NFIA: variants seen among roughly 807,000 people sequenced by gnomAD.
NFIA encodes the protein nuclear factor 1 A-type.
Under a neutral mutation model 62.8 loss-of-function variants are expected in NFIA, and 8 were observed. The observed-to-expected ratio is 0.13, with a 90% confidence interval of 0.07 to 0.23. The LOEUF is 0.23. NFIA is among the 10% of genes least tolerant of loss of function. The probability of loss-of-function intolerance (pLI) is 1.00; values close to 1 mark genes in which losing one functional copy is unlikely to be tolerated. For synonymous variants in NFIA, 235 were observed against 238.1 expected (o/e 0.99, Z 0.12); for missense variants, 410 against 642.1 (o/e 0.64, Z 3.91).
At chr1:61,444,580 A>G (rs1175118990) in intron 10 of NFIA, among the ~76,000 whole-genome samples, 1 of 152,238 alleles carries the variant, frequency 6.6e-6, no homozygotes, top group Non-Finnish European at 1.5e-5. Context: ...CTTGAGAACA[A>G]TACAGAAAGG....
chr1:61,169,932 TA>T (rs546665279), intron 2 of NFIA, among the ~76,000 whole-genome samples: 115 of 152,356 alleles, frequency 7.5e-4, no homozygotes, highest in Admixed American at 3.0e-3. Flanking sequence ...GGTATTTAAA[TA>T]AAAGTAATGT....
intron 2 of NFIA, among the ~76,000 whole-genome samples, chr1:61,267,129 G>A (rs1657222050): frequency 2.0e-5 from 3 of 152,156 alleles, no homozygotes; most frequent in Admixed American, 2.0e-4. Context: ...ATTAAAGGGA[G>A]GATACCAGGC....
chr1:61,109,600 CA>C (rs1398239313), intron 2 of NFIA, among the ~76,000 whole-genome samples: 3 of 151,424 alleles, frequency 2.0e-5, no homozygotes, highest in Non-Finnish European at 4.4e-5. Context: ...AAATAATGGT[CA>C]AAAAGTTTTC....
rs145771606 is a variant in NFIA at position 61,439,751 on chromosome 1, G to A, written c.1512+13195G>A. Reference sequence around the variant, plus strand: ...GGTATTCTTGTCATCCCAAACACAAGCATAATTTGTACCCCCTGAAAAATG... The same window carrying A: ...GGTATTCTTGTCATCCCAAACACAAACATAATTTGTACCCCCTGAAAAATG... On this transcript the variant is annotated intron_variant, in intron 10 of 10. Transcript: ENST00000403491. 4.6e-3 allele frequency among the ~76,000 whole-genome samples: 698 copies of A among 152,254 alleles called. 16 individuals are homozygous for A. In the East Asian group the frequency reaches 0.049, roughly 11 times the overall value.
At chr1:61,238,723 C>G (rs1655150561) in intron 2 of NFIA, among the ~76,000 whole-genome samples, 1 of 152,170 alleles carries the variant, frequency 6.6e-6, no homozygotes, top group Admixed American at 6.5e-5. Flanking sequence ...CTTGGTTTCT[C>G]CACTAAAAAT....
intron 6 of NFIA, among the ~76,000 whole-genome samples, chr1:61,374,408 A>AT (rs938763995): frequency 5.9e-5 from 9 of 151,878 alleles, no homozygotes; most frequent in Non-Finnish European, 1.2e-4. Context: ...ATGTAACACA[A>AT]TTTTTTTTAT....
chr1:61,123,214 AC>A (rs1646916158), intron 2 of NFIA, among the ~76,000 whole-genome samples: 1 of 152,218 alleles, frequency 6.6e-6, no homozygotes, highest in South Asian at 2.1e-4. Context: ...GACAGAGCCC[AC>A]AGCCAGGGCG....
chr1:61,232,098 G>A (rs1241763936), intron 2 of NFIA, among the ~76,000 whole-genome samples: 2 of 152,128 alleles, frequency 1.3e-5, no homozygotes, highest in East Asian at 1.9e-4. Context: ...CATTGGGAAA[G>A]TATAAAGCAA....
chr1:61,388,579 T>G (rs775219724), intron 7 of NFIA, among the ~76,000 whole-genome samples: 2 of 152,232 alleles, frequency 1.3e-5, no homozygotes, highest in African/African-American at 2.4e-5. Context: ...TGAATGATAC[T>G]TTATTTAAAT....
At chr1:61,261,240 A>G (rs1166994325) in intron 2 of NFIA, among the ~76,000 whole-genome samples, 1 of 152,162 alleles carries the variant, frequency 6.6e-6, no homozygotes, top group East Asian at 1.9e-4. Flanking sequence ...AATACCTTCA[A>G]GCTTTTCCCC....
At chr1:61,237,448 A>G (rs1181484273) in intron 2 of NFIA, among the ~76,000 whole-genome samples, 1 of 152,188 alleles carries the variant, frequency 6.6e-6, no homozygotes, top group East Asian at 1.9e-4. Context: ...TGACTGATAA[A>G]TCTCTGGCAG....
chr1:61,123,227 G>A (rs532570991), intron 2 of NFIA, among the ~76,000 whole-genome samples: 95 of 152,290 alleles, frequency 6.2e-4, no homozygotes, highest in Non-Finnish European at 1.0e-3. Context: ...GCCAGGGCGG[G>A]AAACCTGCAT....
At chr1:61,084,235 G>A (rs1416431168) in intron 1 of NFIA, among the ~76,000 whole-genome samples, 1 of 152,110 alleles carries the variant, frequency 6.6e-6, no homozygotes, top group East Asian at 1.9e-4. Context: ...AGTAGTTTTC[G>A]CTCTCCTCTC....
At position 61,359,285 on chromosome 1, in the gene NFIA, T is replaced by G; in HGVS notation, c.946+11T>G. 16 of 1,612,028 alleles carry G rather than the reference T, an allele frequency of 9.9e-6. No individual in the cohort carries two copies. Among genetic ancestry groups the G allele is most frequent in the Non-Finnish European group, 1.4e-5 (16 of 1,179,884 alleles). ...ATGAAGTGGAGCCAGGTAAGCAGAG[T>G]GGCGGCACGGGCATGTGGCTAACAC... is the stretch of plus-strand genomic sequence containing the variant. On this transcript the variant is annotated intron_variant, in intron 6 of 10. Coordinates refer to ENST00000403491, the MANE Select transcript of NFIA (RefSeq NM_001134673.4).
At chr1:61,289,656 C>G (rs1658739497) in intron 3 of NFIA, among the ~76,000 whole-genome samples, 1 of 152,194 alleles carries the variant, frequency 6.6e-6, no homozygotes, top group African/African-American at 2.4e-5. Context: ...CATCACCTTC[C>G]CAGGAAATGT....
chr1:61,206,501 A>G (rs1360939223), intron 2 of NFIA, among the ~76,000 whole-genome samples: 1 of 152,208 alleles, frequency 6.6e-6, no homozygotes, highest in Non-Finnish European at 1.5e-5. Flanking sequence ...GACTGAAACC[A>G]ATGACTAGCA....
rs142188088 is a variant in NFIA, at chr1:61,316,645, C to T, written c.626-15867C>T. 7.4e-3 allele frequency among the ~76,000 whole-genome samples: 1,134 copies of T among 152,236 alleles called. 9 individuals are homozygous for T. The highest frequency in any genetic ancestry group is 1.0e-2 in the Non-Finnish European group (680 of 68,012). On this transcript the variant is annotated intron_variant, in intron 3 of 10. Transcript: ENST00000403491. ...GTAGTGGTTCCGAGAAGAACAAGAG[C>T]GCTCTTACTTGGAGCCGAGTCTGAG...
At position 61,329,381 on chromosome 1, in the gene NFIA, ATT is replaced by A. The variant is rs58955783; in HGVS notation, c.626-3113_626-3112del. On this transcript the variant is annotated intron_variant, in intron 3 of 10. Transcript: ENST00000403491. ...TACCTGGCCTATCATTTTTAAAGTA[ATT>A]TTTTTTTTTTTTTTTTTGAGACAGA... Among the ~76,000 whole-genome samples the A allele has an allele frequency of 7.4e-3, 889 of 119,830 alleles. 7 individuals are homozygous for A. The highest frequency in any genetic ancestry group is 0.025 in the African/African-American group (785 of 31,416). 78.6% of individuals were successfully genotyped at this position (119,830 alleles called of 152,430 possible). A position where few individuals can be genotyped will look rare whatever the true frequency, so the allele number is the denominator to read the frequency against.
At chr1:61,261,145 G>A (rs536239212) in intron 2 of NFIA, among the ~76,000 whole-genome samples, 2 of 152,238 alleles carry the variant, frequency 1.3e-5, no homozygotes, top group South Asian at 4.1e-4. Context: ...TAAGACCCAG[G>A]CTAACCCAGC....
Sources: gnomAD v4.1 joint callset for allele counts (sites outside exome capture counted in the v4.1 genomes callset) on GRCh38, gnomAD v4.1.1 for gene constraint, MANE v1.5 for transcripts, NCBI Gene and HGNC (gene_info 2026-07-23, HGNC 2026-07-21) for gene names.